Variants in CDH13 observed in about 807,000 individuals in gnomAD.
CDH13 encodes the protein cadherin 13, also known as cadherin-13.
CDH13 carries 24 observed loss-of-function variants against 63.8 expected under a neutral mutation model. That is an observed-to-expected ratio of 0.38 (90% CI 0.27 to 0.53). The LOEUF is 0.53. Among genes scored for constraint, CDH13 ranks in the 20% least tolerant of loss-of-function variants. The pLI, the probability that CDH13 is intolerant of heterozygous loss-of-function variation, is 0.85. For synonymous variants in CDH13, 503 were observed against 355.3 expected (o/e 1.42, Z -4.67); for missense variants, 1,049 against 903.1 (o/e 1.16, Z -2.07).
At chr16:83,706,734 A>G (rs532980898) in intron 10 of CDH13, among the ~76,000 whole-genome samples, 5 of 152,344 alleles carry the variant, frequency 3.3e-5, no homozygotes, top group Admixed American at 2.6e-4. Flanking sequence ...GCAAAGAAAA[A>G]TAGGATGAAG....
At chr16:83,101,766 C>T (rs1256725322) in intron 3 of CDH13, among the ~76,000 whole-genome samples, 3 of 152,074 alleles carry the variant, frequency 2.0e-5, no homozygotes, top group African/African-American at 7.2e-5. Flanking sequence ...TGCACTCCAG[C>T]CTGGGAGAGA....
chr16:83,010,714 G>T (rs1643285646), intron 2 of CDH13, among the ~76,000 whole-genome samples: 1 of 152,120 alleles, frequency 6.6e-6, no homozygotes, highest in African/African-American at 2.4e-5. Flanking sequence ...TGAATCAAAA[G>T]AAATACTTAT....
intron 1 of CDH13, among the ~76,000 whole-genome samples, chr16:82,849,502 A>G (rs1028561881): frequency 6.6e-6 from 1 of 152,218 alleles, no homozygotes; most frequent in Admixed American, 6.5e-5. Flanking sequence ...CTCCGTCTCA[A>G]AAAAATAAAT....
chr16:83,434,303 C>T lies in CDH13; in HGVS notation c.782-52174C>T, dbSNP rs144828321. On this transcript the variant is annotated intron_variant, in intron 6 of 13. Transcript: ENST00000567109. ...TTTTGAGACCTGCGTTCTTGTCCTACCTGCTCCATCCACTGGCTAGATAGC... is the reference window on the plus strand; with the variant it reads ...TTTTGAGACCTGCGTTCTTGTCCTATCTGCTCCATCCACTGGCTAGATAGC... Among the ~76,000 whole-genome samples, 182 of 152,308 alleles carry T rather than the reference C, an allele frequency of 1.2e-3. 1 individual carries two copies. The highest frequency in any genetic ancestry group is 4.1e-3 in the African/African-American group (169 of 41,566).
intron 6 of CDH13, among the ~76,000 whole-genome samples, chr16:83,370,699 A>G (rs551801089): frequency 4.6e-5 from 7 of 152,222 alleles, no homozygotes; most frequent in African/African-American, 1.7e-4. Flanking sequence ...TTTAGCTCCC[A>G]CTTATAAATG....
At chr16:82,755,235 A>G (rs1214968613) in intron 1 of CDH13, among the ~76,000 whole-genome samples, 1 of 152,108 alleles carries the variant, frequency 6.6e-6, no homozygotes. Flanking sequence ...CTTGAGCCTC[A>G]CCTTAAGGCC....
rs529791841 is a variant in CDH13 at position 83,286,795 on chromosome 16, T to TAC, written c.637-58057_637-58056dup. On this transcript the variant is annotated intron_variant, in intron 5 of 13. Transcript: ENST00000567109. ...GTATATATATATATTTATATATATA[T>TAC]ACACACACACATATAAATATATTTA... Among the ~76,000 whole-genome samples, 1,380 of 149,990 alleles carry TAC rather than the reference T, an allele frequency of 9.2e-3. 11 individuals carry two copies. Among genetic ancestry groups the TAC allele is most frequent in the Middle Eastern group, 0.024 (7 of 286 alleles).
At chr16:82,842,183 T>C (rs1185877382) in intron 1 of CDH13, among the ~76,000 whole-genome samples, 15 of 136,976 alleles carry the variant, frequency 1.1e-4, no homozygotes, top group African/African-American at 3.8e-4. Flanking sequence ...CACATATATA[T>C]ACACATATAT....
intron 7 of CDH13, among the ~76,000 whole-genome samples, chr16:83,597,470 T>C (rs1280822487): frequency 6.6e-6 from 1 of 152,240 alleles, no homozygotes; most frequent in Non-Finnish European, 1.5e-5. Context: ...GTATTTAAAA[T>C]GTACCTCCGT....
intron 1 of CDH13, among the ~76,000 whole-genome samples, chr16:82,673,320 C>T (rs1314007381): frequency 6.6e-6 from 1 of 152,162 alleles, no homozygotes; most frequent in African/African-American, 2.4e-5. Flanking sequence ...TAAACACTTA[C>T]TGAGGTTCAC....
rs1404353628 is a variant in CDH13 at position 82,639,490 on chromosome 16, T to G, written c.45+12353T>G. ...GGTAAATTTGCCTGCTGCTGTGTCG[T>G]GTGGCTGGATGGAATTCTTCCCTAG... On this transcript the variant is annotated intron_variant, in intron 1 of 13. Coordinates refer to ENST00000567109, the MANE Select transcript of CDH13 (RefSeq NM_001257.5). The G allele has an allele frequency of 6.9e-6, 10 of 1,444,844 alleles. No individual in the cohort carries two copies. In the Admixed American group the frequency reaches 7.9e-5, roughly 11 times the overall value. The allele number at this position is 1,444,844 out of a possible 1,614,324, so 89.5% of individuals were successfully genotyped here. A position where few individuals can be genotyped will look rare whatever the true frequency, so the allele number is the denominator to read the frequency against.
intron 3 of CDH13, among the ~76,000 whole-genome samples, chr16:83,048,896 G>A (rs2029953967): frequency 6.6e-6 from 1 of 151,926 alleles, no homozygotes; most frequent in Non-Finnish European, 1.5e-5. Context: ...CTTGTTGAAA[G>A]CCATCTTCAC....
intron 1 of CDH13, among the ~76,000 whole-genome samples, chr16:82,690,018 A>AAT (rs1915481981): frequency 6.9e-6 from 1 of 145,112 alleles, no homozygotes; most frequent in Non-Finnish European, 1.5e-5. Context: ...AAAAAAAAAA[A>AAT]TTAGCCAGGC....
rs540597857 is a variant in CDH13 at position 82,648,361 on chromosome 16, C to T, written c.45+21224C>T. Among the ~76,000 whole-genome samples the T allele has an allele frequency of 2.0e-4, 31 of 152,270 alleles. No individual in the cohort carries two copies. The East Asian group carries it at 2.3e-3, about 11-fold the overall frequency. The stretch of plus-strand genomic sequence containing the variant: ...TATGTGAAATAGTAATAATAGCCAA[C>T]GCTTAGGAAGTAGTTGCCACATGCC... On this transcript the variant is annotated intron_variant, in intron 1 of 13. Transcript: ENST00000567109.
rs758418216 is a variant in CDH13 at position 82,695,775 on chromosome 16, A to G, written c.45+68638A>G. Among the ~76,000 whole-genome samples, 36 of 152,356 alleles carry G rather than the reference A, an allele frequency of 2.4e-4. 1 individual carries two copies. The highest frequency in any genetic ancestry group is 4.1e-4 in the Non-Finnish European group (28 of 68,030). On this transcript the variant is annotated intron_variant, in intron 1 of 13. Transcript: ENST00000567109. ...GAACACAAGGGCATGGTGCTATACCATGCAGCCTGGTAGAGTTGAGCTGAA... is the reference window on the plus strand; with the variant it reads ...GAACACAAGGGCATGGTGCTATACCGTGCAGCCTGGTAGAGTTGAGCTGAA...
At chr16:83,006,904 TTTTGTTTG>T (rs977914662) in intron 2 of CDH13, among the ~76,000 whole-genome samples, 3 of 142,026 alleles carry the variant, frequency 2.1e-5, no homozygotes, top group Non-Finnish European at 3.1e-5. Flanking sequence ...TTTTGATTTT[TTTTGTTTG>T]TTTGTTTGTT....
At chr16:83,400,462 G>C (rs1484580667) in intron 6 of CDH13, among the ~76,000 whole-genome samples, 1 of 152,188 alleles carries the variant, frequency 6.6e-6, no homozygotes, top group African/African-American at 2.4e-5. Flanking sequence ...GTGCCCCCTA[G>C]AGGAAACTTC....
chr16:82,819,767 C>T (rs2037911150), intron 1 of CDH13, among the ~76,000 whole-genome samples: 1 of 152,172 alleles, frequency 6.6e-6, no homozygotes, highest in Non-Finnish European at 1.5e-5. Flanking sequence ...TTTTTAGGCA[C>T]TTGGAATACA....
intron 11 of CDH13, among the ~76,000 whole-genome samples, chr16:83,773,806 C>T (rs1330527913): frequency 6.6e-6 from 1 of 152,160 alleles, no homozygotes; most frequent in African/African-American, 2.4e-5. Context: ...GGTGATTCTC[C>T]TGGTGGCTGA....
Sources: allele counts gnomAD v4.1 joint callset (sites outside exome capture counted in the v4.1 genomes callset), GRCh38; gene constraint gnomAD v4.1.1; transcripts MANE v1.5; gene names NCBI Gene and HGNC (gene_info 2026-07-23, HGNC 2026-07-21).